TRIM9: variants seen among roughly 807,000 people sequenced by gnomAD.
TRIM9 encodes the protein E3 ubiquitin-protein ligase TRIM9.
TRIM9 carries 26 observed loss-of-function variants against 78.3 expected under a neutral mutation model. The ratio of observed to expected loss-of-function variants is 0.33; its 90% CI spans 0.24 to 0.46. The LOEUF (loss-of-function observed/expected upper bound fraction) is 0.46. Among genes scored for constraint, TRIM9 ranks in the 20% least tolerant of loss-of-function variants. TRIM9 has a pLI of 1.00. For synonymous variants in TRIM9, 398 were observed against 416.5 expected, an observed-to-expected ratio of 0.96 and a Z score of 0.54; for missense variants, 787 against 1,036.4, an observed-to-expected ratio of 0.76 and a Z score of 3.30.
At chr14:51,017,855 G>A (rs1362845270) in intron 3 of TRIM9, among the ~76,000 whole-genome samples, 1 of 152,204 alleles carries the variant, frequency 6.6e-6, no homozygotes, top group Non-Finnish European at 1.5e-5. Context: ...CTCCAGCTGT[G>A]TATGGGGCTT....
intron 6 of TRIM9, 56 bp downstream of exon 6, chr14:51,000,627 C>T: frequency 2.5e-6 from 4 of 1,600,030 alleles, no homozygotes; most frequent in Non-Finnish European, 3.4e-6. Flanking sequence ...CCTGGCAGGT[C>T]CTCTGACAGA....
chr14:51,058,433 G>A (rs1372368728), intron 1 of TRIM9, among the ~76,000 whole-genome samples: 1 of 152,210 alleles, frequency 6.6e-6, no homozygotes, highest in Non-Finnish European at 1.5e-5. Flanking sequence ...CTTGTGAATT[G>A]TCTTCACCCA....
chr14:51,051,000 C>G (rs1365201859), intron 1 of TRIM9, among the ~76,000 whole-genome samples: 2 of 152,196 alleles, frequency 1.3e-5, no homozygotes, highest in Non-Finnish European at 2.9e-5. Context: ...GATTCCTAAG[C>G]ACAGAAACTG....
chr14:50,986,239 CAAA>C, intron 7 of TRIM9, 95 bp from the exon 8 acceptor site: 2 of 1,082,510 alleles, frequency 1.8e-6, no homozygotes, highest in Admixed American at 3.7e-5. Flanking sequence ...TGCATTCATA[CAAA>C]GCCTCATCTT....
At chr14:51,025,912 A>G (rs930964712) in intron 1 of TRIM9, among the ~76,000 whole-genome samples, 2 of 152,174 alleles carry the variant, frequency 1.3e-5, no homozygotes, top group African/African-American at 4.8e-5. Context: ...TCCCAAGTAC[A>G]GCCCTGCTGC....
intron 9 of TRIM9, 27 bp from the exon 10 acceptor site, chr14:50,982,992 G>T: frequency 6.5e-7 from 1 of 1,546,962 alleles, no homozygotes; most frequent in Non-Finnish European, 8.7e-7. Flanking sequence ...TGAAAGGCAT[G>T]GGGGAGAGAG....
chr14:51,012,853 C>G (rs1953883), intron 3 of TRIM9, among the ~76,000 whole-genome samples: 129,862 of 152,192 alleles, frequency 0.85, 55,671 homozygotes, highest in African/African-American at 0.9. Context: ...TGTTTGTGTA[C>G]CCTCGCTGCT....
intron 4 of TRIM9, 149 bp from the exon 5 acceptor site, chr14:51,009,382 C>CCTT (rs1189253812): frequency 1.1e-6 from 1 of 878,386 alleles, no homozygotes; most frequent in Non-Finnish European, 1.7e-6. Flanking sequence ...AGGAACACCC[C>CCTT]ATTAGGACTA....
At chr14:50,992,581 AAATG>A (rs66985758) in intron 7 of TRIM9, among the ~76,000 whole-genome samples, 61,271 of 151,116 alleles carry the variant, frequency 0.41, 12,672 homozygotes, top group Middle Eastern at 0.44. Context: ...CTGGAAAGAT[AAATG>A]AATGAATGAA....
In TRIM9 at chr14:51,000,863, C is replaced by G. The variant is rs751171171; in HGVS notation, c.1307-23G>C. The stretch of plus-strand genomic sequence containing the variant: ...AAGCTAAACAGAAATTAGTGTAACT[C>G]TGGCTTCTGTTAAGCTGCAGATATT... On this transcript the variant is annotated intron_variant, in intron 5 of 12. Coordinates refer to ENST00000684578, the MANE Select transcript of TRIM9 (RefSeq NM_001387360.1). 6 of 1,613,012 alleles carry G rather than the reference C, an allele frequency of 3.7e-6. No individual in the cohort carries two copies. In the East Asian group the frequency reaches 1.3e-4, roughly 36 times the overall value.
intron 5 of TRIM9, among the ~76,000 whole-genome samples, chr14:51,008,629 G>C (rs1365595357): frequency 6.6e-6 from 1 of 152,114 alleles, no homozygotes; most frequent in Non-Finnish European, 1.5e-5. Flanking sequence ...TTTTCTGCCA[G>C]TATTGGCAGG....
rs140193012 is a variant in TRIM9 at position 51,014,152 on chromosome 14, T to C, written c.1042-3658A>G. 1.2e-3 allele frequency among the ~76,000 whole-genome samples: 178 copies of C among 152,356 alleles called. 1 individual carries two copies. The highest frequency in any genetic ancestry group is 4.1e-3 in the African/African-American group (171 of 41,572). On this transcript the variant is annotated intron_variant, in intron 3 of 12. Coordinates refer to ENST00000684578, the MANE Select transcript of TRIM9 (RefSeq NM_001387360.1). ...CCAGAGGATTCAGTTCAATGATGCA[T>C]TCATGTACTGAAATAAATACATTAC...
rs902687923 is a variant in TRIM9 at position 51,009,144 on chromosome 14, G to A, written c.1242C>T (p.Asp414=). ...TLTPRMTTDF[D]LSLDNSPLLQ... The stretch of plus-strand genomic sequence containing the variant: ...GCAGAGGGCTGTTGTCCAGACTCAA[G>A]TCAAAGTCCGTGGTCATCCTTGGAG... The change falls in exon 5 of 13, where the codon GAC becomes GAT. Residue 414 remains aspartate (D), a synonymous_variant. Coordinates refer to ENST00000684578, the MANE Select transcript of TRIM9 (RefSeq NM_001387360.1). 2 of 1,613,936 alleles carry A rather than the reference G, an allele frequency of 1.2e-6. No homozygotes were observed. The highest frequency in any genetic ancestry group is 2.7e-5 in the African/African-American group (2 of 74,898).
intron 5 of TRIM9, among the ~76,000 whole-genome samples, chr14:51,007,601 C>T (rs1217263934): frequency 3.9e-5 from 6 of 152,098 alleles, no homozygotes; most frequent in Admixed American, 3.9e-4. Flanking sequence ...TCTTCCTGTG[C>T]CCCAGTTTCT....
chr14:51,018,147 T>C (rs1013021507), intron 3 of TRIM9, among the ~76,000 whole-genome samples: 1 of 152,216 alleles, frequency 6.6e-6, no homozygotes, highest in Non-Finnish European at 1.5e-5. Flanking sequence ...GAGTTCTTTG[T>C]CATTAATTTT....
rs935244798 is a variant in TRIM9 at position 50,982,774 on chromosome 14, G to A, written c.1858+168C>T. On this transcript the variant is annotated intron_variant, in intron 10 of 12. Transcript: ENST00000684578. The stretch of plus-strand genomic sequence containing the variant: ...GGAGCAGTAGGAATTTCGGACATTA[G>A]GTGCAGATAGAATGATGTCTTTGTA... The A allele has an allele frequency of 6.8e-6, 4 of 584,212 alleles. No individual in the cohort carries two copies. In the African/African-American group the frequency reaches 7.4e-5, roughly 11 times the overall value. 36.2% of individuals were successfully genotyped at this position (584,212 alleles called of 1,614,324 possible).
chr14:51,034,374 C>A (rs961507991), intron 1 of TRIM9, among the ~76,000 whole-genome samples: 1 of 152,214 alleles, frequency 6.6e-6, no homozygotes, highest in Non-Finnish European at 1.5e-5. Flanking sequence ...TTCTCCTCCA[C>A]ATACTGATAA....
In TRIM9 at chr14:50,983,378, G is replaced by T; in HGVS notation, c.1834+2C>A. ...AAAGATAATTACAATAGGTATACTT[G>T]CCTAATTGAGAGTAAGGTGCAGATT... is the stretch of plus-strand genomic sequence containing the variant. On this transcript the variant is annotated splice_donor_variant, in intron 9 of 12. Transcript: ENST00000684578. LOFTEE classifies it high-confidence loss of function. 1 of 1,539,422 alleles carries T rather than the reference G, an allele frequency of 6.5e-7. No individual in the cohort carries two copies.
At chr14:51,081,520 A>G (rs142400567) in intron 1 of TRIM9, among the ~76,000 whole-genome samples, 1 of 152,324 alleles carries the variant, frequency 6.6e-6, no homozygotes, top group East Asian at 1.9e-4. Context: ...ACTCCAATTT[A>G]CCGACATCCC....
Sources: gnomAD v4.1 joint callset for allele counts (sites outside exome capture counted in the v4.1 genomes callset) on GRCh38, gnomAD v4.1.1 for gene constraint, MANE v1.5 for transcripts, NCBI Gene and HGNC (gene_info 2026-07-23, HGNC 2026-07-21) for gene names.